The following LRP1B variants were observed in gnomAD, a reference collection of about 807,000 sequenced individuals.
LRP1B encodes the protein LDL receptor related protein 1B.
In LRP1B, 217 loss-of-function variants were observed where a neutral mutation model predicts 556.6. The ratio of observed to expected loss-of-function variants is 0.39; its 90% CI spans 0.35 to 0.44. The LOEUF is 0.44. Ranked by LOEUF, LRP1B falls within the 20% of genes least tolerant of loss-of-function variation. The pLI, the probability that LRP1B is intolerant of heterozygous loss-of-function variation, is 1.00. For synonymous variants in LRP1B, 2,047 were observed against 1,865.8 expected (o/e 1.10, Z -2.50); for missense variants, 5,053 against 5,620.8 (o/e 0.90, Z 3.23).
In LRP1B at chr2:141,006,214, C is replaced by T. The variant is rs577110348; in HGVS notation, c.2381-757G>A. On this transcript the variant is annotated intron_variant, in intron 14 of 90. Coordinates refer to ENST00000389484, the MANE Select transcript of LRP1B (RefSeq NM_018557.3). ...ATAGTCATAGTGATGTTTCAGTAAACGTAATGTATAGTAATCAGATCAGGG... is the reference window on the plus strand; with the variant it reads ...ATAGTCATAGTGATGTTTCAGTAAATGTAATGTATAGTAATCAGATCAGGG... 2.6e-5 allele frequency among the ~76,000 whole-genome samples: 4 copies of T among 152,082 alleles called. No homozygotes were observed. In the East Asian group the frequency reaches 5.8e-4, roughly 22 times the overall value.
At chr2:140,848,665 C>T (rs773349419) in intron 29 of LRP1B, among the ~76,000 whole-genome samples, 62 of 152,138 alleles carry the variant, frequency 4.1e-4, no homozygotes, top group Non-Finnish European at 8.7e-4. Context: ...ACTCTTTTCT[C>T]CATTCCCCTC....
At chr2:141,227,620 T>C (rs1412407367) in intron 6 of LRP1B, among the ~76,000 whole-genome samples, 1 of 152,218 alleles carries the variant, frequency 6.6e-6, no homozygotes, top group Non-Finnish European at 1.5e-5. Context: ...AATAACTTTA[T>C]CAATTGTTTC....
chr2:142,073,956 G>A (rs529130197), intron 1 of LRP1B, among the ~76,000 whole-genome samples: 1 of 152,040 alleles, frequency 6.6e-6, no homozygotes, highest in South Asian at 2.1e-4. Flanking sequence ...TACAGCTTGT[G>A]GAAGGAATCG....
intron 31 of LRP1B, 124 bp downstream of exon 31, chr2:140,839,867 G>A: frequency 1.5e-6 from 1 of 684,040 alleles, no homozygotes. Context: ...AAATTGGTCA[G>A]TTCCTGAATT....
intron 3 of LRP1B, among the ~76,000 whole-genome samples, chr2:141,440,167 G>A (rs1048478662): frequency 1.4e-4 from 22 of 152,210 alleles, no homozygotes; most frequent in Admixed American, 3.9e-4. Context: ...CAAAGGAGCA[G>A]AGCTGGACTA....
chr2:140,531,546 A>T (rs181491030), intron 47 of LRP1B, among the ~76,000 whole-genome samples: 1 of 152,258 alleles, frequency 6.6e-6, no homozygotes, highest in Non-Finnish European at 1.5e-5. Flanking sequence ...ACTTCCCAAC[A>T]TTCCATACAG....
chr2:140,884,038 A>C lies in LRP1B; in HGVS notation c.3965-17T>G, dbSNP rs1262936676. ...CACTGACACCTACAAAAGAAGGAAA[A>C]CCAACATGTGCACCCATTCAAGGAT... On this transcript the variant is annotated splice_polypyrimidine_tract_variant and intron_variant, in intron 24 of 90. Coordinates refer to ENST00000389484, the MANE Select transcript of LRP1B (RefSeq NM_018557.3). 1 of 1,609,338 alleles carries C rather than the reference A, an allele frequency of 6.2e-7. No homozygotes were observed. The highest frequency in any genetic ancestry group is 8.5e-7 in the Non-Finnish European group (1 of 1,177,556).
intron 3 of LRP1B, 127 bp from the exon 4 acceptor site, chr2:141,254,768 GA>G (rs201437940): frequency 9.6e-6 from 6 of 626,582 alleles, no homozygotes; most frequent in Admixed American, 4.0e-5. Context: ...GATTGGTCTA[GA>G]AAAAAATATT....
intron 18 of LRP1B, among the ~76,000 whole-genome samples, chr2:140,954,753 A>T (rs1000344492): frequency 3.9e-5 from 6 of 152,058 alleles, no homozygotes; most frequent in African/African-American, 1.4e-4. Context: ...ACATAAACAC[A>T]TATAATGTAA....
intron 23 of LRP1B, among the ~76,000 whole-genome samples, chr2:140,893,831 A>T (rs182420171): frequency 1.4e-4 from 22 of 152,308 alleles, no homozygotes; most frequent in African/African-American, 4.8e-4. Flanking sequence ...ACATATGTGA[A>T]AGTGCTTTAC....
chr2:141,691,084 A>G (rs1382564475), intron 2 of LRP1B, among the ~76,000 whole-genome samples: 1 of 151,968 alleles, frequency 6.6e-6, no homozygotes, highest in Non-Finnish European at 1.5e-5. Context: ...AATAAAAGAC[A>G]GGAAAACGAA....
chr2:140,255,535 G>T (rs1199455997), intron 86 of LRP1B, among the ~76,000 whole-genome samples: 1 of 152,096 alleles, frequency 6.6e-6, no homozygotes, highest in Non-Finnish European at 1.5e-5. Context: ...GCTAGACTAT[G>T]ATTTAACTAA....
chr2:140,798,861 G>A (rs2105003703), intron 32 of LRP1B, among the ~76,000 whole-genome samples: 1 of 152,198 alleles, frequency 6.6e-6, no homozygotes, highest in South Asian at 2.1e-4. Flanking sequence ...TTATGTTAGA[G>A]ACCCAGTTTT....
At chr2:141,208,658 G>A (rs1041338703) in intron 6 of LRP1B, among the ~76,000 whole-genome samples, 3 of 151,934 alleles carry the variant, frequency 2.0e-5, no homozygotes, top group African/African-American at 4.8e-5. Flanking sequence ...ACGAGGTCAG[G>A]AGATGGAGAC....
chr2:140,548,796 G>A (rs912983324), intron 43 of LRP1B, among the ~76,000 whole-genome samples: 4 of 151,830 alleles, frequency 2.6e-5, no homozygotes, highest in East Asian at 1.9e-4. Context: ...ATGGTTGTGC[G>A]TGCCTGTAAT....
In LRP1B at chr2:141,272,708, A is replaced by C. The variant is rs1685132705; in HGVS notation, c.344-18067T>G. Among the ~76,000 whole-genome samples the C allele has an allele frequency of 2.0e-5, 3 of 152,188 alleles. No individual in the cohort carries two copies. In the South Asian group the frequency reaches 6.2e-4, roughly 32 times the overall value. ...CAAAACAGACTTTAAAAATAAAAAT[A>C]TAGAAACAAATAAAGACATTTTACA... On this transcript the variant is annotated intron_variant, in intron 3 of 90. Transcript: ENST00000389484.
intron 43 of LRP1B, among the ~76,000 whole-genome samples, chr2:140,561,930 T>C (rs1269351819): frequency 2.0e-5 from 3 of 151,918 alleles, no homozygotes; most frequent in Non-Finnish European, 1.5e-5. Context: ...GCTTTAATAT[T>C]TAAAAAAGAT....
intron 1 of LRP1B, among the ~76,000 whole-genome samples, chr2:142,077,227 G>A (rs1216077776): frequency 6.6e-6 from 1 of 152,002 alleles, no homozygotes; most frequent in East Asian, 1.9e-4. Flanking sequence ...AAATTAACTT[G>A]ACCTAGGAGT....
chr2:141,148,641 C>T (rs978500246), intron 7 of LRP1B, among the ~76,000 whole-genome samples: 1 of 152,148 alleles, frequency 6.6e-6, no homozygotes, highest in Non-Finnish European at 1.5e-5. Context: ...AAAGAGGTAT[C>T]TATAACGCCA....
Sources: gnomAD v4.1 joint callset for allele counts (sites outside exome capture counted in the v4.1 genomes callset) on GRCh38, gnomAD v4.1.1 for gene constraint, MANE v1.5 for transcripts, NCBI Gene and HGNC (gene_info 2026-07-23, HGNC 2026-07-21) for gene names.